Variants in SRRT observed in about 807,000 individuals in gnomAD.
The protein encoded by SRRT is serrate RNA effector molecule homolog.
Under a neutral mutation model 103.2 loss-of-function variants are expected in SRRT, and 32 were observed. That is an observed-to-expected ratio of 0.31 (90% CI 0.23 to 0.42). The LOEUF (loss-of-function observed/expected upper bound fraction) is 0.42. Among genes scored for constraint, SRRT ranks in the 10% least tolerant of loss-of-function variants. The pLI is 1.00. For missense variants in SRRT, 986 were observed against 1,207.5 expected, an observed-to-expected ratio of 0.82 and a Z score of 2.72; for synonymous variants, 525 against 449.0, an observed-to-expected ratio of 1.17 and a Z score of -2.14.
Position 100,875,367 on chromosome 7 carries a change from G to T in SRRT, c.-19+39G>T, listed in dbSNP as rs992186553. The T allele has an allele frequency of 9.2e-6, 12 of 1,310,264 alleles. No homozygotes were observed. The African/African-American group carries it at 1.3e-4, about 15-fold the overall frequency. 81.2% of individuals were successfully genotyped at this position (1,310,264 alleles called of 1,614,324 possible). On this transcript the variant is annotated intron_variant, in intron 1 of 19. Transcript: ENST00000611405. The stretch of plus-strand genomic sequence containing the variant: ...GGAGCCTGGGGGGCCCCGCTGGGGC[G>T]GGAGAGGAACCGGGGTCCACGGGGG...
chr7:100,886,468 C>T (rs1790112195), intron 13 of SRRT, 33 bp downstream of exon 13: 2 of 1,583,666 alleles, frequency 1.3e-6, no homozygotes, highest in South Asian at 1.1e-5. Context: ...TTGTCAGAAG[C>T]AACTGGTAGT....
At position 100,884,564 on chromosome 7, in the gene SRRT, G is replaced by C. The variant is rs762384483; in HGVS notation, c.942+12G>C. 3 of 1,596,626 alleles carry C rather than the reference G, an allele frequency of 1.9e-6. No individual in the cohort carries two copies. Among genetic ancestry groups the C allele is most frequent in the Non-Finnish European group, 2.6e-6 (3 of 1,171,114 alleles). ...AAGACGGCAAGCAGGTCCGAGCCCTGGGTCTCCTAGTGTTGTCCCTGGCAG... is the reference window on the plus strand; with the variant it reads ...AAGACGGCAAGCAGGTCCGAGCCCTCGGTCTCCTAGTGTTGTCCCTGGCAG... On this transcript the variant is annotated intron_variant, in intron 7 of 19. Coordinates refer to ENST00000611405, the MANE Select transcript of SRRT (RefSeq NM_015908.6).
rs1466581207 is a variant in SRRT at position 100,884,759 on chromosome 7, A to G, written c.962A>G (p.Asn321Ser). The change falls in exon 8 of 20, where the codon AAT (asparagine) becomes AGT (serine). Residue 321 changes from asparagine (N) to serine (S), a missense_variant. Asn to Ser is a conservative substitution (Grantham distance 46). This residue lies in a region of SRRT where 166 missense variants were observed against 148.6 expected (regional missense o/e 1.12). Transcript: ENST00000611405. ...CCATAGGCTGAGAATGACAGTTCTAATGATGACAAAACAAAGAAGTCGGAG... is the reference window on the plus strand; with the variant it reads ...CCATAGGCTGAGAATGACAGTTCTAGTGATGACAAAACAAAGAAGTCGGAG... ...DGKQAENDSS[N>S]DDKTKKSEGD... 3.1e-6 allele frequency: 5 copies of G among 1,614,052 alleles called. No individual in the cohort carries two copies. Among genetic ancestry groups the G allele is most frequent in the Non-Finnish European group, 4.2e-6 (5 of 1,179,966 alleles).
intron 2 of SRRT, among the ~76,000 whole-genome samples, chr7:100,879,434 C>G (rs914191535): frequency 4.6e-5 from 7 of 152,086 alleles, no homozygotes; most frequent in African/African-American, 1.7e-4. Context: ...CAAAATATCT[C>G]AACAGATTCA....
chr7:100,875,225 C>T lies in SRRT; in HGVS notation c.-122C>T. 2 of 298,222 alleles carry T rather than the reference C, an allele frequency of 6.7e-6. No individual in the cohort carries two copies. Among genetic ancestry groups the T allele is most frequent in the South Asian group, 4.2e-5 (1 of 23,594 alleles). The allele number at this position is 298,222 out of a possible 1,614,324, so 18.5% of individuals were successfully genotyped here. A position where few individuals can be genotyped will look rare whatever the true frequency, so the allele number is the denominator to read the frequency against. On this transcript the variant is annotated 5_prime_UTR_variant, in exon 1 of 20. Transcript: ENST00000611405. The stretch of plus-strand genomic sequence containing the variant: ...TCGGCCCTCTACTCAAGAGCTCCGT[C>T]TCCGTCTCGCCCTCCTCGAAGTCCT...
chr7:100,884,223 C>T lies in SRRT; in HGVS notation c.741C>T (p.Val247=), dbSNP rs1363890837. 1 of 1,614,086 alleles carries T rather than the reference C, an allele frequency of 6.2e-7. No individual in the cohort carries two copies. The highest frequency in any genetic ancestry group is 8.5e-7 in the Non-Finnish European group (1 of 1,180,024). The stretch of plus-strand genomic sequence containing the variant: ...ACATAGACAAAGCTGATGCCATTGT[C>T]AAGATGCTGGATGCAGGTGTGCGGA... ...LLDIDKADAI[V]KMLDAAVIKM... The change falls in exon 6 of 20, where the codon GTC becomes GTT. Residue 247 remains valine, a synonymous_variant. Coordinates refer to ENST00000611405, the MANE Select transcript of SRRT (RefSeq NM_015908.6).
In SRRT at chr7:100,884,920, C is replaced by A. The variant is rs1584751200; in HGVS notation, c.1042-3C>A. ...CTTGTCCCCTCTGCTGTGGCTCACA[C>A]AGAGTAGCAAGAAGCGGAACCGGAA... On this transcript the variant is annotated splice_polypyrimidine_tract_variant and splice_region_variant and intron_variant, in intron 8 of 19. Coordinates refer to ENST00000611405, the MANE Select transcript of SRRT (RefSeq NM_015908.6). The A allele has an allele frequency of 6.2e-7, 1 of 1,613,922 alleles. No individual in the cohort carries two copies. Among genetic ancestry groups the A allele is most frequent in the Non-Finnish European group, 8.5e-7 (1 of 1,179,964 alleles).
In SRRT at chr7:100,887,944, G is replaced by T; in HGVS notation, c.2326+85G>T. 6.5e-7 allele frequency: 1 copy of T among 1,543,354 alleles called. No individual in the cohort carries two copies. The highest frequency in any genetic ancestry group is 8.8e-7 in the Non-Finnish European group (1 of 1,142,822). On this transcript the variant is annotated intron_variant, in intron 17 of 19. Transcript: ENST00000611405. The surrounding 1 kb of genome is among the most constrained non-coding windows in gnomAD (Gnocchi z 4.1). The stretch of plus-strand genomic sequence containing the variant: ...GTTTCTCTTTAACGTGTCACCCCGA[G>T]AAGTTTCTGCCCCATCCTCAGGCCA...
Position 100,884,730 on chromosome 7 carries a change from C to G in SRRT, c.943-10C>G, listed in dbSNP as rs1274802637. The stretch of plus-strand genomic sequence containing the variant: ...GGTTTGACATCCCCAGTGGTTGTCT[C>G]TTACCATAGGCTGAGAATGACAGTT... On this transcript the variant is annotated splice_polypyrimidine_tract_variant and intron_variant, in intron 7 of 19. Coordinates refer to ENST00000611405, the MANE Select transcript of SRRT (RefSeq NM_015908.6). 3.7e-6 allele frequency: 6 copies of G among 1,613,450 alleles called. No homozygotes were observed. Among genetic ancestry groups the G allele is most frequent in the Non-Finnish European group, 5.1e-6 (6 of 1,179,650 alleles).
Position 100,882,355 on chromosome 7 carries a change from G to A in SRRT, c.587+114G>A, listed in dbSNP as rs1789654197. 21 of 1,245,606 alleles carry A rather than the reference G, an allele frequency of 1.7e-5. No individual in the cohort carries two copies. Among genetic ancestry groups the A allele is most frequent in the East Asian group, 2.5e-5 (1 of 39,652 alleles). The allele number at this position is 1,245,606 out of a possible 1,614,324, so 77.2% of individuals were successfully genotyped here. On this transcript the variant is annotated intron_variant, in intron 5 of 19. Coordinates refer to ENST00000611405, the MANE Select transcript of SRRT (RefSeq NM_015908.6). The surrounding 1 kb of genome is among the most constrained non-coding windows in gnomAD (Gnocchi z 4.2). ...TCCCTGTCCAGAACTTTCTGGGGGC[G>A]GGGGTCGGGAAGTATGACAGCATTG...
intron 18 of SRRT, 21 bp from the exon 19 acceptor site, chr7:100,888,236 C>T (rs1317505840): frequency 5.0e-6 from 8 of 1,603,140 alleles, no homozygotes; most frequent in Non-Finnish European, 6.8e-6. Context: ...TTTTGCAACT[C>T]AACACTGATC....
In SRRT at chr7:100,886,815, G is replaced by A. The variant is rs370769694; in HGVS notation, c.1668G>A (p.Pro556=). Residue 556 remains proline (P), a synonymous_variant, in exon 14 of 20, where the codon CCG becomes CCA. Coordinates refer to ENST00000611405, the MANE Select transcript of SRRT (RefSeq NM_015908.6). The part of the protein sequence containing the change: ...PLPTSLPSQN[P]ILKNITDYLI... ...ATCAGAGCCTGCCCTCGCAAAACCC[G>A]ATCTTGAAGAATATCACCGACTACC... The A allele has an allele frequency of 1.3e-4, 204 of 1,613,960 alleles. 1 individual carries two copies. The highest frequency in any genetic ancestry group is 2.5e-4 in the East Asian group (11 of 44,876).
At position 100,882,846 on chromosome 7, in the gene SRRT, A is replaced by G. The variant is rs566505543; in HGVS notation, c.587+605A>G. On this transcript the variant is annotated intron_variant, in intron 5 of 19. Transcript: ENST00000611405. The surrounding 1 kb of genome is among the most constrained non-coding windows in gnomAD (Gnocchi z 4.2). ...CACCCCCACCATACCCAGCCCATAC[A>G]TGAGCCCCTGGGCTGAGCTGCGCGG... 6.6e-6 allele frequency: 1 copy of G among 151,748 alleles called. No individual in the cohort carries two copies. The highest frequency in any genetic ancestry group is 2.0e-4 in the East Asian group (1 of 5,020). 9.4% of individuals were successfully genotyped at this position (151,748 alleles called of 1,614,324 possible).
At chr7:100,883,818 C>G (rs1789805879) in intron 5 of SRRT, among the ~76,000 whole-genome samples, 1 of 152,206 alleles carries the variant, frequency 6.6e-6, no homozygotes, top group Admixed American at 6.5e-5. Flanking sequence ...CCCCTGTAGT[C>G]ATTGGTCTTC....
rs150930514 is a variant in SRRT at position 100,884,481 on chromosome 7, G to A, written c.871G>A (p.Ala291Thr). Reference sequence around the variant, plus strand: ...GCCCAGCAAGAAAGAAGAAGGACGGGCTGGAGCAGGCCTAGGGGACGGGGA... The same window carrying A: ...GCCCAGCAAGAAAGAAGAAGGACGGACTGGAGCAGGCCTAGGGGACGGGGA... ...GEPSKKEEGR[A>T]GAGLGDGERK... Residue 291 changes from alanine to threonine, a missense_variant, in exon 7 of 20, where the codon GCT becomes ACT. This residue lies in a region of SRRT where 166 missense variants were observed against 148.6 expected (regional missense o/e 1.12). Transcript: ENST00000611405. The A allele has an allele frequency of 2.0e-5, 32 of 1,613,852 alleles. No homozygotes were observed. In the East Asian group the frequency reaches 6.7e-4, roughly 34 times the overall value.
rs1378841642 is a variant in SRRT, at chr7:100,888,377, G to GC, written c.2550dup (p.Asn851GlnfsTer24). The GC allele has an allele frequency of 6.2e-7, 1 of 1,613,672 alleles. No individual in the cohort carries two copies. Among genetic ancestry groups the GC allele is most frequent in the Non-Finnish European group, 8.5e-7 (1 of 1,179,824 alleles). ...CAGGGAGGTTATCCTGGGAAACCTC[G>GC]CAACAGGTGAGGAGGGCAGACGCCC... On this transcript the variant is annotated frameshift_variant, in exon 19 of 20. Transcript: ENST00000611405. LOFTEE classifies it high-confidence loss of function.
Position 100,887,364 on chromosome 7 carries a change from C to T in SRRT, c.2020C>T (p.Leu674=), listed in dbSNP as rs1362112940. The T allele has an allele frequency of 1.2e-6, 2 of 1,614,216 alleles. No homozygotes were observed. Among genetic ancestry groups the T allele is most frequent in the African/African-American group, 1.3e-5 (1 of 75,058 alleles). Residue 674 remains leucine, a synonymous_variant, in exon 16 of 20, where the codon CTG becomes TTG. Transcript: ENST00000611405. The surrounding 1 kb of genome is among the most constrained non-coding windows in gnomAD (Gnocchi z 4.1). ...KTFEEKLTPL[L]SVRESLSEEE... is the part of the protein sequence containing the mutation. ...TTTTGAGGAGAAGCTCACGCCGTTG[C>T]TGAGTGTGCGGGAGTCACTCTCAGA... is the stretch of plus-strand genomic sequence containing the variant.
chr7:100,888,168 G>A (rs762068131), intron 18 of SRRT, 25 bp downstream of exon 18: 1 of 1,603,032 alleles, frequency 6.2e-7, no homozygotes, highest in African/African-American at 1.3e-5. Flanking sequence ...GAGATGAAGG[G>A]GCTTGGTGAG....
Position 100,885,508 on chromosome 7 carries a change from G to T in SRRT, c.1317+138G>T, listed in dbSNP as rs369228081. On this transcript the variant is annotated intron_variant, in intron 10 of 19. Transcript: ENST00000611405. The surrounding 1 kb of genome is among the most constrained non-coding windows in gnomAD (Gnocchi z 4.8). ...CCCTTCCCCAGGTTCCATGGCCTCCGAGGACTAGTCCTGATAGCGCCATTG... is the reference window on the plus strand; with the variant it reads ...CCCTTCCCCAGGTTCCATGGCCTCCTAGGACTAGTCCTGATAGCGCCATTG... 8.9e-7 allele frequency: 1 copy of T among 1,119,068 alleles called. No individual in the cohort carries two copies. 69.3% of individuals were successfully genotyped at this position (1,119,068 alleles called of 1,614,324 possible). A position where few individuals can be genotyped will look rare whatever the true frequency, so the allele number is the denominator to read the frequency against.
Sources: gnomAD v4.1 joint callset for allele counts (sites outside exome capture counted in the v4.1 genomes callset) on GRCh38, gnomAD v4.1.1 for gene constraint, gnomAD v4.1.1 regional missense constraint, Gnocchi (gnomAD v3.1) non-coding constraint, MANE v1.5 for transcripts, NCBI Gene and HGNC (gene_info 2026-07-23, HGNC 2026-07-21) for gene names.